Variants in SUPT3H observed in about 807,000 individuals in gnomAD.
SUPT3H encodes SPT3 homolog, SAGA and STAGA complex component.
In SUPT3H, 44 loss-of-function variants were observed where a neutral mutation model predicts 44.3. The observed-to-expected ratio is 0.99, with a 90% CI of 0.78 to 1.28. SUPT3H has a LOEUF of 1.28. Ranked by LOEUF, SUPT3H falls within the 50% of genes most tolerant of loss-of-function variation. The pLI, the probability that SUPT3H is intolerant of heterozygous loss-of-function variation, is 0.00. For synonymous variants in SUPT3H, 124 were observed against 125.6 expected, an observed-to-expected ratio of 0.99 and a Z score of 0.09; for missense variants, 380 against 387.1, an observed-to-expected ratio of 0.98 and a Z score of 0.15.
At position 44,990,934 on chromosome 6, in the gene SUPT3H, CA is replaced by C. The variant is rs1303679205; in HGVS notation, c.504+12718del. On this transcript the variant is annotated intron_variant, in intron 6 of 10. Transcript: ENST00000371459. ...CTTTTATGTAATACAAGTATTCTTG[CA>C]AAATGAAAACAATTACCCAGTGATT... 1.1e-4 allele frequency among the ~76,000 whole-genome samples: 16 copies of C among 151,700 alleles called. No individual in the cohort carries two copies. In the East Asian group the frequency reaches 2.5e-3, roughly 24 times the overall value.
At chr6:45,113,827 C>CT (rs1554253172) in intron 2 of SUPT3H, among the ~76,000 whole-genome samples, 9 of 112,754 alleles carry the variant, frequency 8.0e-5, no homozygotes, top group African/African-American at 3.1e-4. Flanking sequence ...AAGACTCCAT[C>CT]AAAAAAAAAA....
At chr6:44,960,342 A>G (rs1775832684) in intron 7 of SUPT3H, among the ~76,000 whole-genome samples, 1 of 145,998 alleles carries the variant, frequency 6.8e-6, no homozygotes, top group Non-Finnish European at 1.5e-5. Flanking sequence ...CAGGAGGAGG[A>G]GGAGGAGGAG....
intron 2 of SUPT3H, among the ~76,000 whole-genome samples, chr6:45,137,800 T>G (rs149321767): frequency 6.6e-6 from 1 of 152,032 alleles, no homozygotes; most frequent in African/African-American, 2.4e-5. Context: ...AATAATCATA[T>G]TACATGCAAA....
chr6:45,227,744 A>G (rs1241606873), intron 2 of SUPT3H, among the ~76,000 whole-genome samples: 1 of 152,150 alleles, frequency 6.6e-6, no homozygotes, highest in Admixed American at 6.5e-5. Context: ...GAATAATAAG[A>G]AAAGGTCCAA....
chr6:45,034,905 T>C (rs1331214085), intron 3 of SUPT3H, among the ~76,000 whole-genome samples: 1 of 152,198 alleles, frequency 6.6e-6, no homozygotes, highest in African/African-American at 2.4e-5. Flanking sequence ...GTCTCCACCG[T>C]AGTCCACAGC....
chr6:45,310,665 C>T (rs950998444), intron 2 of SUPT3H, among the ~76,000 whole-genome samples: 1 of 152,052 alleles, frequency 6.6e-6, no homozygotes, highest in Admixed American at 6.6e-5. Flanking sequence ...GGTGGCTAGA[C>T]CCAGAAGAGA....
chr6:45,312,959 A>G (rs1252978478), intron 2 of SUPT3H, among the ~76,000 whole-genome samples: 1 of 152,226 alleles, frequency 6.6e-6, no homozygotes, highest in African/African-American at 2.4e-5. Context: ...ACAGTGGAAT[A>G]AAACTGGAAA....
chr6:45,000,914 C>T (rs768651750), intron 6 of SUPT3H, among the ~76,000 whole-genome samples: 1 of 152,002 alleles, frequency 6.6e-6, no homozygotes, highest in Non-Finnish European at 1.5e-5. Flanking sequence ...CCATTGTTTA[C>T]ATCTCTTTAC....
rs565293967 is a variant in SUPT3H, at chr6:45,178,507, GAGAC to G, written c.102-72505_102-72502del. Among the ~76,000 whole-genome samples the G allele has an allele frequency of 7.4e-3, 1,122 of 151,868 alleles. 20 individuals carry two copies. Among genetic ancestry groups the G allele is most frequent in the African/African-American group, 0.025 (1,054 of 41,366 alleles). On this transcript the variant is annotated intron_variant, in intron 2 of 10. Coordinates refer to ENST00000371459, the MANE Select transcript of SUPT3H (RefSeq NM_003599.4). ...CACTGTCAACATTAGACAGATCAACGAGACAGACAGTCAACAAGGATACCCAGGA... is the reference window on the plus strand; with the variant it reads ...CACTGTCAACATTAGACAGATCAACGAGACAGTCAACAAGGATACCCAGGA...
chr6:44,961,787 A>G lies in SUPT3H; in HGVS notation c.546T>C (p.Tyr182=), dbSNP rs778367332. Residue 182 remains tyrosine, a synonymous_variant, in exon 7 of 11, where the codon TAT becomes TAC. Transcript: ENST00000371459. Reference sequence around the variant, plus strand: ...ATTGTCGACTTTCACAGAATTCTGCATATTGAGCTGAATCCATAATTCGAG... The same window carrying G: ...ATTGTCGACTTTCACAGAATTCTGCGTATTGAGCTGAATCCATAATTCGAG... ...RQTRIMDSAQ[Y]AEFCESRQLS... is the part of the protein sequence containing the mutation. The G allele has an allele frequency of 2.5e-6, 4 of 1,606,296 alleles. No homozygotes were observed. The South Asian group carries it at 3.4e-5, about 14-fold the overall frequency.
intron 3 of SUPT3H, among the ~76,000 whole-genome samples, chr6:45,040,479 T>C (rs1317258175): frequency 2.0e-5 from 3 of 152,224 alleles, no homozygotes; most frequent in Non-Finnish European, 4.4e-5. Flanking sequence ...GTATGAAGTA[T>C]TGTTAAGACA....
intron 2 of SUPT3H, among the ~76,000 whole-genome samples, chr6:45,238,147 G>C (rs1445473020): frequency 6.6e-6 from 1 of 152,220 alleles, no homozygotes; most frequent in East Asian, 1.9e-4. Flanking sequence ...AAAATTTTTA[G>C]TGTTACATTA....
chr6:45,346,855 G>A (rs949827586), intron 2 of SUPT3H, among the ~76,000 whole-genome samples: 4 of 152,114 alleles, frequency 2.6e-5, no homozygotes, highest in African/African-American at 4.8e-5. Flanking sequence ...GTGAGCCATC[G>A]CGCCGGGCCT....
At chr6:45,366,332 A>G (rs1795131699) in intron 1 of SUPT3H, among the ~76,000 whole-genome samples, 1 of 152,098 alleles carries the variant, frequency 6.6e-6, no homozygotes, top group Non-Finnish European at 1.5e-5. Flanking sequence ...ACTTTGGGCA[A>G]GTTACCTAAC....
chr6:44,908,842 GCCT>G (rs1766541311), intron 10 of SUPT3H, among the ~76,000 whole-genome samples: 1 of 152,070 alleles, frequency 6.6e-6, no homozygotes, highest in Non-Finnish European at 1.5e-5. Flanking sequence ...CACTGGTTCA[GCCT>G]TACTCTGAGC....
chr6:45,087,864 T>C (rs1796670064), intron 3 of SUPT3H, among the ~76,000 whole-genome samples: 1 of 151,970 alleles, frequency 6.6e-6, no homozygotes, highest in Non-Finnish European at 1.5e-5. Flanking sequence ...ACCATCAAGT[T>C]TGAAAAAGAA....
chr6:45,000,847 A>G (rs1337824090), intron 6 of SUPT3H, among the ~76,000 whole-genome samples: 1 of 152,034 alleles, frequency 6.6e-6, no homozygotes, highest in Admixed American at 6.6e-5. Flanking sequence ...TCTCTTGTTT[A>G]CTTTTATCAA....
At chr6:44,928,978 G>A (rs1228919813) in intron 10 of SUPT3H, among the ~76,000 whole-genome samples, 3 of 151,588 alleles carry the variant, frequency 2.0e-5, no homozygotes, top group Non-Finnish European at 4.4e-5. Context: ...ACTGAGTGGG[G>A]ACGGATGGTG....
intron 2 of SUPT3H, among the ~76,000 whole-genome samples, chr6:45,285,476 G>A (rs1229121092): frequency 6.6e-6 from 1 of 152,058 alleles, no homozygotes; most frequent in African/African-American, 2.4e-5. Flanking sequence ...CAAATCGTGA[G>A]TGAACTCCCA....
Sources: gnomAD v4.1 joint callset for allele counts (sites outside exome capture counted in the v4.1 genomes callset) on GRCh38, gnomAD v4.1.1 for gene constraint, MANE v1.5 for transcripts, NCBI Gene and HGNC (gene_info 2026-07-23, HGNC 2026-07-21) for gene names.